Variants in CREB1 observed in about 807,000 individuals in gnomAD.
CREB1 encodes the protein cyclic AMP-responsive element-binding protein 1.
In CREB1, 2 loss-of-function variants were observed where a neutral mutation model predicts 42.0. That is an observed-to-expected ratio of 0.05 (90% CI 0.02 to 0.15). CREB1 has a LOEUF of 0.15. CREB1 is among the 10% of genes least tolerant of loss of function. CREB1 has a pLI of 1.00. For synonymous variants in CREB1, 123 were observed against 139.9 expected (o/e 0.88, Z 0.85); for missense variants, 199 against 388.9 (o/e 0.51, Z 4.11).
At chr2:207,548,716 A>C (rs1046434306) in intron 1 of CREB1, among the ~76,000 whole-genome samples, 2 of 151,266 alleles carry the variant, frequency 1.3e-5, no homozygotes, top group Non-Finnish European at 2.9e-5. Flanking sequence ...ACTCCATTGC[A>C]CTCCAGCCTG....
At chr2:207,558,797 A>G (rs2081839286) in intron 2 of CREB1, among the ~76,000 whole-genome samples, 1 of 151,912 alleles carries the variant, frequency 6.6e-6, no homozygotes, top group South Asian at 2.1e-4. Context: ...ACCTGCCACC[A>G]TACCTGGCTA....
intron 7 of CREB1, among the ~76,000 whole-genome samples, chr2:207,582,713 G>A (rs895123328): frequency 2.0e-5 from 3 of 151,932 alleles, no homozygotes; most frequent in Non-Finnish European, 4.4e-5. Flanking sequence ...GGCCAATATG[G>A]TGAAACCCTC....
At chr2:207,533,755 T>C (rs1010045274) in intron 1 of CREB1, among the ~76,000 whole-genome samples, 1 of 152,186 alleles carries the variant, frequency 6.6e-6, no homozygotes, top group Non-Finnish European at 1.5e-5. Flanking sequence ...GCAGTATCAC[T>C]TGAGACAGCA....
In CREB1 at chr2:207,597,227, G is replaced by C. The variant is rs2086322580; in HGVS notation, c.*169G>C. ...CATTTGTGCTTTTGCATTAAACTGTGAATGTTCCAACACCTGCCTCCACTT... is the reference window on the plus strand; with the variant it reads ...CATTTGTGCTTTTGCATTAAACTGTCAATGTTCCAACACCTGCCTCCACTT... On this transcript the variant is annotated 3_prime_UTR_variant, in exon 8 of 8. Transcript: ENST00000353267. 10 of 682,074 alleles carry C rather than the reference G, an allele frequency of 1.5e-5. No individual in the cohort carries two copies. The Admixed American group carries it at 4.0e-4, about 28-fold the overall frequency. 42.3% of individuals were successfully genotyped at this position (682,074 alleles called of 1,614,324 possible).
chr2:207,581,599 A>C (rs1011745098), intron 7 of CREB1: 5 of 330,420 alleles, frequency 1.5e-5, no homozygotes, highest in African/African-American at 8.5e-5. Flanking sequence ...GTAAATATAC[A>C]TTTTTAATAT....
intron 1 of CREB1, among the ~76,000 whole-genome samples, chr2:207,530,425 CGGCGGCCGGGGGTGTGTGCG>C (rs2080549461): frequency 6.9e-6 from 1 of 144,186 alleles, no homozygotes; most frequent in African/African-American, 2.5e-5. Context: ...GGGTGGGAGC[CGGCGGCCGGGGGTGTGTGCG>C]GGCGGCCGGC....
chr2:207,587,392 C>CAA (rs765065014), intron 7 of CREB1, among the ~76,000 whole-genome samples: 1 of 82,732 alleles, frequency 1.2e-5, no homozygotes, highest in Admixed American at 1.4e-4. Flanking sequence ...GACTCCATCT[C>CAA]AAAAAAAAAA....
chr2:207,577,445 C>A, intron 6 of CREB1, 60 bp from the exon 7 acceptor site: 8 of 1,577,084 alleles, frequency 5.1e-6, no homozygotes, highest in South Asian at 1.1e-5. Context: ...ATGATTGATA[C>A]ACATAATTGA....
chr2:207,565,898 C>A (rs1435458422), intron 3 of CREB1, among the ~76,000 whole-genome samples: 2 of 152,314 alleles, frequency 1.3e-5, no homozygotes, highest in Non-Finnish European at 2.9e-5. Context: ...AAAGTTTGTG[C>A]AGAGACTCTT....
rs187559873 is a variant in CREB1, at chr2:207,598,003, C to T, written c.*945C>T. 1 of 182,656 alleles carries T rather than the reference C, an allele frequency of 5.5e-6. No individual in the cohort carries two copies. Among genetic ancestry groups the T allele is most frequent in the African/African-American group, 2.3e-5 (1 of 42,604 alleles). 11.3% of individuals were successfully genotyped at this position (182,656 alleles called of 1,614,324 possible). A position where few individuals can be genotyped will look rare whatever the true frequency, so the allele number is the denominator to read the frequency against. ...TACGTAAAAAGATATTTCTAATTTA[C>T]TGTTGCCCATTGCACTTACATACCA... On this transcript the variant is annotated 3_prime_UTR_variant, in exon 8 of 8. Coordinates refer to ENST00000353267, the MANE Select transcript of CREB1 (RefSeq NM_004379.5).
intron 1 of CREB1, among the ~76,000 whole-genome samples, chr2:207,552,084 C>G (rs1289789498): frequency 6.7e-6 from 1 of 149,952 alleles, no homozygotes; most frequent in Non-Finnish European, 1.5e-5. Flanking sequence ...AGGCTATCCT[C>G]TACCCTAAAA....
At chr2:207,548,850 A>G (rs180994070) in intron 1 of CREB1, among the ~76,000 whole-genome samples, 4 of 152,152 alleles carry the variant, frequency 2.6e-5, no homozygotes, top group East Asian at 3.9e-4. Context: ...GGTATTTACT[A>G]TTAATACAGT....
intron 6 of CREB1, chr2:207,576,850 A>C: frequency 3.1e-6 from 3 of 962,152 alleles, no homozygotes; most frequent in Non-Finnish European, 3.7e-6. Context: ...TTTTAGAAGC[A>C]GTTTGACAAA....
chr2:207,603,808 G>C lies in CREB1; in HGVS notation c.*6750G>C, dbSNP rs1306538204. Among the ~76,000 whole-genome samples, 1 of 152,156 alleles carries C rather than the reference G, an allele frequency of 6.6e-6. No homozygotes were observed. Among genetic ancestry groups the C allele is most frequent in the Non-Finnish European group, 1.5e-5 (1 of 68,008 alleles). On this transcript the variant is annotated 3_prime_UTR_variant, in exon 8 of 8. Coordinates refer to ENST00000353267, the MANE Select transcript of CREB1 (RefSeq NM_004379.5). ...ACTCTGTGATCATATAAATTGGAAG[G>C]AAAGGGGAGGGGATATGGTTAATCT...
At chr2:207,549,058 C>G (rs979296734) in intron 1 of CREB1, among the ~76,000 whole-genome samples, 1 of 152,180 alleles carries the variant, frequency 6.6e-6, no homozygotes, top group African/African-American at 2.4e-5. Context: ...GAAAACTCAG[C>G]TTGATAAAGA....
At chr2:207,564,239 T>C (rs2082057672) in intron 3 of CREB1, among the ~76,000 whole-genome samples, 1 of 152,082 alleles carries the variant, frequency 6.6e-6, no homozygotes, top group Non-Finnish European at 1.5e-5. Context: ...AAACACTGTA[T>C]CTAAGGCCAG....
chr2:207,551,151 T>C (rs893987408), intron 1 of CREB1, among the ~76,000 whole-genome samples: 21 of 152,354 alleles, frequency 1.4e-4, no homozygotes, highest in African/African-American at 4.6e-4. Context: ...AATGCCTCTT[T>C]GGAATTCTCT....
intron 7 of CREB1, among the ~76,000 whole-genome samples, chr2:207,578,724 C>T (rs553095205): frequency 1.4e-3 from 219 of 152,102 alleles, no homozygotes; most frequent in Non-Finnish European, 2.6e-3. Flanking sequence ...TAAATTATAT[C>T]TAAACTCTGA....
intron 1 of CREB1, 141 bp downstream of exon 1, chr2:207,530,275 C>G (rs1018549305): frequency 2.6e-5 from 4 of 152,118 alleles, no homozygotes; most frequent in African/African-American, 9.7e-5. Context: ...CGCCCGAGCC[C>G]CACAACATCG....
Sources: allele counts gnomAD v4.1 joint callset (sites outside exome capture counted in the v4.1 genomes callset), GRCh38; gene constraint gnomAD v4.1.1; transcripts MANE v1.5; gene names NCBI Gene and HGNC (gene_info 2026-07-23, HGNC 2026-07-21).